The following CSMD1 variants were observed in gnomAD, a reference collection of about 807,000 sequenced individuals.
The protein encoded by CSMD1 is CUB and Sushi multiple domains 1.
A neutral mutation model predicts 417.5 loss-of-function variants in CSMD1; 213 were observed. That is an observed-to-expected ratio of 0.51 (90% CI 0.46 to 0.57). The LOEUF (loss-of-function observed/expected upper bound fraction) is 0.57. CSMD1 is among the 20% of genes least tolerant of loss of function. The pLI is 0.00. For synonymous variants in CSMD1, 2,862 were observed against 1,736.8 expected (o/e 1.65, Z -16.11); for missense variants, 6,923 against 4,529.7 (o/e 1.53, Z -15.17).
intron 2 of CSMD1, among the ~76,000 whole-genome samples, chr8:4,475,140 A>C (rs1800731717): frequency 6.6e-6 from 1 of 152,216 alleles, no homozygotes. Context: ...TGTTTAGGCT[A>C]GTATTAAGCA....
At chr8:4,157,180 C>G (rs1008321360) in intron 3 of CSMD1, among the ~76,000 whole-genome samples, 2 of 152,062 alleles carry the variant, frequency 1.3e-5, no homozygotes, top group Admixed American at 1.3e-4. Flanking sequence ...GATTTTGGGA[C>G]AAGTGACGAT....
At chr8:3,603,589 C>A (rs35721412) in intron 8 of CSMD1, among the ~76,000 whole-genome samples, 34,522 of 152,014 alleles carry the variant, frequency 0.23, 4,076 homozygotes, top group Admixed American at 0.27. Flanking sequence ...AAAGACAGTT[C>A]TTTGTCTTCC....
chr8:3,115,829 T>G (rs527540512), intron 42 of CSMD1, among the ~76,000 whole-genome samples: 27 of 152,332 alleles, frequency 1.8e-4, no homozygotes, highest in African/African-American at 5.8e-4. Flanking sequence ...AATAAAGACA[T>G]CGAGAAGTTG....
intron 12 of CSMD1, among the ~76,000 whole-genome samples, chr8:3,447,398 G>A (rs7014880): frequency 0.39 from 59,815 of 151,984 alleles, 12,673 homozygotes; most frequent in Middle Eastern, 0.52. Flanking sequence ...GATGGCTTAG[G>A]TTTTACCCAA....
intron 3 of CSMD1, among the ~76,000 whole-genome samples, chr8:4,048,348 A>G (rs1356786278): frequency 6.6e-6 from 1 of 152,146 alleles, no homozygotes; most frequent in East Asian, 1.9e-4. Context: ...ACTTATTTTA[A>G]CCATATTCTT....
At chr8:4,208,120 A>C (rs1047628846) in intron 3 of CSMD1, among the ~76,000 whole-genome samples, 2 of 149,806 alleles carry the variant, frequency 1.3e-5, no homozygotes, top group African/African-American at 4.8e-5. Flanking sequence ...TTTCATACAC[A>C]TGATGATTTT....
At chr8:3,100,459 T>A (rs1054110191) in intron 46 of CSMD1, among the ~76,000 whole-genome samples, 1 of 152,098 alleles carries the variant, frequency 6.6e-6, no homozygotes, top group Non-Finnish European at 1.5e-5. Context: ...TCAGTTGGAG[T>A]GGGAGAGCTG....
intron 7 of CSMD1, among the ~76,000 whole-genome samples, chr8:3,660,786 G>A (rs142846635): frequency 6.6e-6 from 1 of 152,126 alleles, no homozygotes; most frequent in Non-Finnish European, 1.5e-5. Flanking sequence ...CTCTCAAAGT[G>A]CTGGAATCAC....
chr8:4,397,121 C>A (rs949586981), intron 3 of CSMD1, among the ~76,000 whole-genome samples: 3 of 152,118 alleles, frequency 2.0e-5, no homozygotes, highest in African/African-American at 7.2e-5. Context: ...TAACCATCTG[C>A]ACGCCATCAC....
At chr8:3,926,384 A>G (rs1563218793) in intron 5 of CSMD1, among the ~76,000 whole-genome samples, 1 of 149,502 alleles carries the variant, frequency 6.7e-6, no homozygotes, top group Non-Finnish European at 1.5e-5. Context: ...ACAGGAGGGC[A>G]GTAAGATTTT....
Position 3,216,074 on chromosome 8 carries a change from T to C in CSMD1, c.4673-1383A>G, listed in dbSNP as rs148956709. ...TAATATATATTATATATATAAGTTT[T>C]CTCATTTAAGAATTTGAGATTAAAT... On this transcript the variant is annotated intron_variant, in intron 29 of 69. Transcript: ENST00000635120. 6.0e-5 allele frequency among the ~76,000 whole-genome samples: 9 copies of C among 149,754 alleles called. No individual in the cohort carries two copies. The Admixed American group carries it at 6.0e-4, about 10-fold the overall frequency.
In CSMD1 at chr8:4,608,030, T is replaced by G. The variant is rs374942606; in HGVS notation, c.302+29312A>C. Among the ~76,000 whole-genome samples, 74 of 152,198 alleles carry G rather than the reference T, an allele frequency of 4.9e-4. No individual in the cohort carries two copies. The East Asian group carries it at 9.9e-3, about 20-fold the overall frequency. ...TCAGGGATAATGTGAGGGTGTGTCC[T>G]TGCCCAGAAAAGGGTGTTCCAGGTG... On this transcript the variant is annotated intron_variant, in intron 2 of 69. Transcript: ENST00000635120.
intron 10 of CSMD1, among the ~76,000 whole-genome samples, chr8:3,574,672 C>T (rs184474038): frequency 6.6e-5 from 10 of 152,292 alleles, no homozygotes; most frequent in African/African-American, 2.4e-4. Flanking sequence ...TTGAAAAAGA[C>T]ATAAGAGAAA....
At chr8:3,926,291 G>T (rs1200833438) in intron 5 of CSMD1, among the ~76,000 whole-genome samples, 1 of 152,056 alleles carries the variant, frequency 6.6e-6, no homozygotes, top group Admixed American at 6.6e-5. Flanking sequence ...CTCCCCTTGT[G>T]CCATGTATTT....
intron 40 of CSMD1, among the ~76,000 whole-genome samples, chr8:3,145,498 C>A (rs945881871): frequency 2.0e-5 from 3 of 151,936 alleles, no homozygotes; most frequent in Admixed American, 2.0e-4. Flanking sequence ...TGGTTTGTTA[C>A]TGATTTGGAA....
intron 10 of CSMD1, among the ~76,000 whole-genome samples, chr8:3,537,865 G>C (rs1364979092): frequency 1.3e-5 from 2 of 152,168 alleles, no homozygotes; most frequent in Non-Finnish European, 2.9e-5. Flanking sequence ...TAATTCAGGA[G>C]CCTCTTCTCC....
intron 12 of CSMD1, among the ~76,000 whole-genome samples, chr8:3,440,174 T>C (rs976775916): frequency 1.3e-5 from 2 of 152,252 alleles, no homozygotes; most frequent in Non-Finnish European, 2.9e-5. Context: ...AATAATCTTG[T>C]TCATATCTAC....
intron 3 of CSMD1, among the ~76,000 whole-genome samples, chr8:4,064,398 T>G (rs975864834): frequency 6.6e-6 from 1 of 152,188 alleles, no homozygotes; most frequent in Non-Finnish European, 1.5e-5. Flanking sequence ...TCCCTCAATG[T>G]TGAGAAGGTA....
intron 1 of CSMD1, among the ~76,000 whole-genome samples, chr8:4,699,311 C>T (rs1807359502): frequency 6.6e-6 from 1 of 152,186 alleles, no homozygotes; most frequent in Non-Finnish European, 1.5e-5. Flanking sequence ...TAGCAGAGTG[C>T]TTTACTTCTC....
Sources: gnomAD v4.1 joint callset for allele counts (sites outside exome capture counted in the v4.1 genomes callset) on GRCh38, gnomAD v4.1.1 for gene constraint, MANE v1.5 for transcripts, NCBI Gene and HGNC (gene_info 2026-07-23, HGNC 2026-07-21) for gene names.